Variants in EIF2AK4 observed in about 807,000 individuals in gnomAD.
EIF2AK4 encodes the protein eIF-2-alpha kinase GCN2.
In EIF2AK4, 139 loss-of-function variants were observed where a neutral mutation model predicts 211.1. The ratio of observed to expected loss-of-function variants is 0.66; its 90% CI spans 0.57 to 0.76. The LOEUF is 0.76. Ranked by LOEUF, EIF2AK4 falls within the 30% of genes least tolerant of loss-of-function variation. The pLI, the probability that EIF2AK4 is intolerant of heterozygous loss-of-function variation, is 0.00. For missense variants in EIF2AK4, 1,664 were observed against 2,043.8 expected, an observed-to-expected ratio of 0.81 and a Z score of 3.58; for synonymous variants, 710 against 751.3, an observed-to-expected ratio of 0.94 and a Z score of 0.90.
At chr15:40,034,754 A>G (rs901574719) in intron 38 of EIF2AK4, among the ~76,000 whole-genome samples, 2 of 152,206 alleles carry the variant, frequency 1.3e-5, no homozygotes, top group Non-Finnish European at 2.9e-5. Context: ...CTTATGTCAT[A>G]ATGCCAATCA....
intron 5 of EIF2AK4, among the ~76,000 whole-genome samples, chr15:39,954,632 A>T (rs1254516638): frequency 6.6e-6 from 1 of 152,232 alleles, no homozygotes; most frequent in Non-Finnish European, 1.5e-5. Context: ...TCTGCCTGAA[A>T]TTTCATCCAG....
chr15:40,029,371 C>G, intron 33 of EIF2AK4, 35 bp from the exon 34 acceptor site: 2 of 1,609,796 alleles, frequency 1.2e-6, no homozygotes, highest in South Asian at 2.2e-5. Flanking sequence ...GCCTTATTGA[C>G]TGTTCTTTAA....
chr15:39,999,168 C>T (rs2035060797), intron 20 of EIF2AK4, among the ~76,000 whole-genome samples: 1 of 152,024 alleles, frequency 6.6e-6, no homozygotes, highest in Non-Finnish European at 1.5e-5. Context: ...TTTGTGGTTG[C>T]AGTAGCTCAG....
intron 38 of EIF2AK4, 58 bp from the exon 39 acceptor site, chr15:40,034,969 C>A: frequency 1.5e-6 from 2 of 1,370,418 alleles, no homozygotes; most frequent in Non-Finnish European, 2.0e-6. Context: ...AATTTATTAG[C>A]TCTGTTCTTC....
chr15:39,974,838 T>G (rs148700903), intron 11 of EIF2AK4: 16 of 152,364 alleles, frequency 1.1e-4, no homozygotes, highest in African/African-American at 3.8e-4. Flanking sequence ...ACCTCTGTGC[T>G]TCTGTGTCAG....
At chr15:40,020,064 G>A (rs1256589251) in intron 30 of EIF2AK4, among the ~76,000 whole-genome samples, 3 of 151,972 alleles carry the variant, frequency 2.0e-5, no homozygotes, top group African/African-American at 7.3e-5. Flanking sequence ...CTACTCAGGA[G>A]GCTGAGGTGG....
At chr15:39,947,494 A>AT (rs1221896223) in intron 3 of EIF2AK4, among the ~76,000 whole-genome samples, 2 of 152,182 alleles carry the variant, frequency 1.3e-5, no homozygotes, top group African/African-American at 2.4e-5. Context: ...GCCAAAGTTT[A>AT]TTTTTTTATT....
intron 8 of EIF2AK4, 23 bp downstream of exon 8, chr15:39,965,866 T>G: frequency 6.2e-7 from 1 of 1,612,474 alleles, no homozygotes; most frequent in African/African-American, 1.3e-5. Flanking sequence ...GGTGGCTGAC[T>G]GAGCAAAAGG....
At chr15:39,983,828 T>C (rs184921854) in intron 13 of EIF2AK4, among the ~76,000 whole-genome samples, 1 of 152,340 alleles carries the variant, frequency 6.6e-6, no homozygotes, top group East Asian at 1.9e-4. Flanking sequence ...GATAGTTTCT[T>C]TTGCTGTGCA....
chr15:39,959,320 C>T (rs146704645), intron 6 of EIF2AK4, among the ~76,000 whole-genome samples: 45 of 152,288 alleles, frequency 3.0e-4, no homozygotes, highest in Non-Finnish European at 6.0e-4. Context: ...GTATAAGCAT[C>T]CAATATATAT....
intron 11 of EIF2AK4, chr15:39,975,176 A>G (rs2034676539): frequency 6.6e-6 from 1 of 152,172 alleles, no homozygotes; most frequent in Admixed American, 6.5e-5. Flanking sequence ...CATTCTTACG[A>G]GATGGGTATG....
chr15:39,987,977 A>G lies in EIF2AK4; in HGVS notation c.2404-6A>G. The G allele has an allele frequency of 6.2e-7, 1 of 1,614,080 alleles. No homozygotes were observed. The highest frequency in any genetic ancestry group is 1.3e-5 in the African/African-American group (1 of 75,044). On this transcript the variant is annotated splice_region_variant and splice_polypyrimidine_tract_variant and intron_variant, in intron 14 of 38. Transcript: ENST00000263791. The stretch of plus-strand genomic sequence containing the variant: ...AATCAAATTCTCCTGGTTTGTCTGT[A>G]TATAGATGGAGTACTGTGAGAAGAG...
intron 9 of EIF2AK4, among the ~76,000 whole-genome samples, chr15:39,971,552 A>AAAAT (rs1218103001): frequency 6.6e-6 from 1 of 152,058 alleles, no homozygotes; most frequent in African/African-American, 2.4e-5. Context: ...AAATAAAATG[A>AAAAT]AAATAAATAA....
At chr15:40,017,893 A>G (rs1046822641) in intron 29 of EIF2AK4, among the ~76,000 whole-genome samples, 6 of 152,104 alleles carry the variant, frequency 3.9e-5, no homozygotes, top group Non-Finnish European at 5.9e-5. Flanking sequence ...TGACATTTGT[A>G]TAATGTATGT....
intron 4 of EIF2AK4, chr15:39,951,508 G>T: frequency 2.5e-6 from 1 of 405,442 alleles, no homozygotes; most frequent in Non-Finnish European, 4.8e-6. Flanking sequence ...CTTCTGCAAA[G>T]CACCAATAGC....
chr15:39,935,444 C>T (rs1026182825), intron 1 of EIF2AK4, among the ~76,000 whole-genome samples: 1 of 152,020 alleles, frequency 6.6e-6, no homozygotes, highest in African/African-American at 2.4e-5. Flanking sequence ...ATCCTTCTGC[C>T]TCAGCCTGTC....
At chr15:39,992,149 GA>G in intron 16 of EIF2AK4, 25 bp from the exon 17 acceptor site, 4 of 1,603,336 alleles carry the variant, frequency 2.5e-6, no homozygotes, top group Non-Finnish European at 3.4e-6. Context: ...GTTTTAATTG[GA>G]TATTTGGCTT....
chr15:40,024,803 A>C (rs907199375), intron 32 of EIF2AK4, among the ~76,000 whole-genome samples: 1 of 142,976 alleles, frequency 7.0e-6, no homozygotes, highest in Non-Finnish European at 1.5e-5. Flanking sequence ...ATCTCAGCTT[A>C]CTGGAACCTG....
intron 2 of EIF2AK4, among the ~76,000 whole-genome samples, chr15:39,943,106 G>A (rs947654929): frequency 6.6e-6 from 1 of 151,902 alleles, no homozygotes; most frequent in Non-Finnish European, 1.5e-5. Flanking sequence ...AGTAATTGAT[G>A]TTGGGAAATT....
Sources: gnomAD v4.1 joint callset for allele counts (sites outside exome capture counted in the v4.1 genomes callset) on GRCh38, gnomAD v4.1.1 for gene constraint, MANE v1.5 for transcripts, NCBI Gene and HGNC (gene_info 2026-07-23, HGNC 2026-07-21) for gene names.